The following SNX19 variants were observed in gnomAD, a reference collection of about 807,000 sequenced individuals.
SNX19 encodes the protein sorting nexin 19, also known as sorting nexin-19.
A neutral mutation model predicts 85.2 loss-of-function variants in SNX19; 60 were observed. The observed-to-expected ratio is 0.70, with a 90% CI of 0.57 to 0.87. The LOEUF (loss-of-function observed/expected upper bound fraction) is 0.87. SNX19 is among the 40% of genes least tolerant of loss of function. SNX19 has a pLI of 0.00. For missense variants in SNX19, 1,201 were observed against 1,217.8 expected, an observed-to-expected ratio of 0.99 and a Z score of 0.21; for synonymous variants, 520 against 470.0, an observed-to-expected ratio of 1.11 and a Z score of -1.38.
chr11:130,873,326 A>G lies in SNX19; in HGVS notation c.*5096T>C, dbSNP rs1415751090. ...GCTGAGTAGTTACAACAGAGACCAT[A>G]CTGCTGCAAAACCTAGTATTTAGTC... is the stretch of plus-strand genomic sequence containing the variant. On this transcript the variant is annotated 3_prime_UTR_variant, in exon 11 of 11. Coordinates refer to ENST00000265909, the MANE Select transcript of SNX19 (RefSeq NM_014758.3). Among the ~76,000 whole-genome samples, 1 of 152,214 alleles carries G rather than the reference A, an allele frequency of 6.6e-6. No individual in the cohort carries two copies. Among genetic ancestry groups the G allele is most frequent in the Non-Finnish European group, 1.5e-5 (1 of 68,040 alleles).
chr11:130,914,799 C>G lies in SNX19; in HGVS notation c.1141G>C (p.Gly381Arg). The G allele has an allele frequency of 6.2e-7, 1 of 1,613,958 alleles. No individual in the cohort carries two copies. Among genetic ancestry groups the G allele is most frequent in the Middle Eastern group, 1.7e-4 (1 of 6,060 alleles). ...SELESPLSEL[G>R]KETIMLMTPG... Reference sequence around the variant, plus strand: ...GTCATGAGCATGATGGTTTCTTTGCCCAGTTCAGACAGCGGAGACTCCAGC... The same window carrying G: ...GTCATGAGCATGATGGTTTCTTTGCGCAGTTCAGACAGCGGAGACTCCAGC... The change falls in exon 1 of 11, where the codon GGC becomes CGC. Residue 381 changes from glycine to arginine, a missense_variant. Around this residue, in one of 3 missense-constraint regions of SNX19, gnomAD observed 791 missense variants for 750.9 expected, o/e 1.05. Transcript: ENST00000265909.
rs555747730 is a variant in SNX19, at chr11:130,873,184, A to G, written c.*5238T>C. 2.7e-4 allele frequency among the ~76,000 whole-genome samples: 41 copies of G among 152,328 alleles called. No homozygotes were observed. Among genetic ancestry groups the G allele is most frequent in the Middle Eastern group, 3.4e-3 (1 of 294 alleles). The stretch of plus-strand genomic sequence containing the variant: ...TAACTCACTAGACCGCAGGTCCACA[A>G]ACTGACTCATGGGACAAACCCGGCC... On this transcript the variant is annotated 3_prime_UTR_variant, in exon 11 of 11. Transcript: ENST00000265909.
At position 130,870,558 on chromosome 11, in the gene SNX19, C is replaced by T. The variant is rs1249282683; in HGVS notation, c.*7864G>A. ...CAGGTCTGGTACAGACTAGCCAGTG[C>T]CCTCCACTGGAATAAGTGGTTAATC... On this transcript the variant is annotated 3_prime_UTR_variant, in exon 11 of 11. Transcript: ENST00000265909. 1.3e-5 allele frequency among the ~76,000 whole-genome samples: 2 copies of T among 152,312 alleles called. No individual in the cohort carries two copies. The highest frequency in any genetic ancestry group is 3.9e-4 in the East Asian group (2 of 5,176).
chr11:130,911,603 C>A (rs372242769), intron 2 of SNX19, 30 bp downstream of exon 2: 29 of 1,612,666 alleles, frequency 1.8e-5, no homozygotes, highest in Middle Eastern at 1.7e-4. Flanking sequence ...GGGAAGCAAG[C>A]GGGCAGTAGG....
intron 2 of SNX19, among the ~76,000 whole-genome samples, chr11:130,911,153 C>T (rs1946084232): frequency 1.3e-5 from 2 of 149,694 alleles, no homozygotes; most frequent in African/African-American, 4.9e-5. Context: ...CGAGATTGCA[C>T]CATTGCACTC....
intron 8 of SNX19, among the ~76,000 whole-genome samples, chr11:130,890,055 T>C (rs564427042): frequency 2.0e-5 from 3 of 152,298 alleles, no homozygotes; most frequent in African/African-American, 7.2e-5. Context: ...TACTAATCTA[T>C]TACTTTAGTA....
In SNX19 at chr11:130,874,237, G is replaced by C. The variant is rs1212177390; in HGVS notation, c.*4185C>G. Among the ~76,000 whole-genome samples, 1 of 152,052 alleles carries C rather than the reference G, an allele frequency of 6.6e-6. No individual in the cohort carries two copies. The highest frequency in any genetic ancestry group is 2.4e-5 in the African/African-American group (1 of 41,384). On this transcript the variant is annotated 3_prime_UTR_variant, in exon 11 of 11. Transcript: ENST00000265909. ...CAGGGTCTTGCTATGTTCCAGGCTG[G>C]TCTTAAACTCCTGGACTCAAACAAT...
At position 130,870,309 on chromosome 11, in the gene SNX19, T is replaced by C. The variant is rs970815558; in HGVS notation, c.*8113A>G. 2 of 152,268 alleles carry C rather than the reference T, an allele frequency of 1.3e-5. No individual in the cohort carries two copies. The highest frequency in any genetic ancestry group is 4.8e-5 in the African/African-American group (2 of 41,464). 9.4% of individuals were successfully genotyped at this position (152,268 alleles called of 1,614,324 possible). A position where few individuals can be genotyped will look rare whatever the true frequency, so the allele number is the denominator to read the frequency against. On this transcript the variant is annotated 3_prime_UTR_variant, in exon 11 of 11. Coordinates refer to ENST00000265909, the MANE Select transcript of SNX19 (RefSeq NM_014758.3). ...CGCAGGTATTCCCGCCGCATCCACA[T>C]ATGCACACTTACTTCCCTTGGATGT...
At chr11:130,890,667 T>TTC (rs968330206) in intron 8 of SNX19, among the ~76,000 whole-genome samples, 1 of 151,388 alleles carries the variant, frequency 6.6e-6, no homozygotes, top group African/African-American at 2.4e-5. Flanking sequence ...GCCTTGAATG[T>TTC]TCTCTCTCTC....
intron 8 of SNX19, among the ~76,000 whole-genome samples, chr11:130,896,161 C>A (rs944673972): frequency 2.0e-5 from 3 of 152,188 alleles, no homozygotes; most frequent in Non-Finnish European, 4.4e-5. Flanking sequence ...GGGGGTCTTG[C>A]AAAAGTATGC....
chr11:130,872,188 C>T lies in SNX19; in HGVS notation c.*6234G>A, dbSNP rs917768460. Among the ~76,000 whole-genome samples, 1 of 152,158 alleles carries T rather than the reference C, an allele frequency of 6.6e-6. No individual in the cohort carries two copies. The highest frequency in any genetic ancestry group is 1.5e-5 in the Non-Finnish European group (1 of 68,024). ...AGGAGTAATTCTCTGCATCCTGTCA[C>T]ATGCTTGTTTCTGCCTCCAAGAAAG... On this transcript the variant is annotated 3_prime_UTR_variant, in exon 11 of 11. Transcript: ENST00000265909.
intron 5 of SNX19, 112 bp downstream of exon 5, chr11:130,907,841 T>C: frequency 6.6e-7 from 1 of 1,510,278 alleles, no homozygotes; most frequent in South Asian, 1.3e-5. Context: ...AACTGGTATG[T>C]CTGACCCACC....
At chr11:130,890,219 TTAAA>T (rs1944401871) in intron 8 of SNX19, among the ~76,000 whole-genome samples, 1 of 152,176 alleles carries the variant, frequency 6.6e-6, no homozygotes, top group Non-Finnish European at 1.5e-5. Flanking sequence ...ACATAATCAT[TTAAA>T]TAGTCACTAA....
chr11:130,905,622 G>A (rs1251251360), intron 7 of SNX19: 2 of 1,434,400 alleles, frequency 1.4e-6, no homozygotes, highest in South Asian at 1.4e-5. Flanking sequence ...AGACACTAAG[G>A]GAAGAAAGTT....
In SNX19 at chr11:130,914,489, T is replaced by C. The variant is rs1186365779; in HGVS notation, c.1451A>G (p.Glu484Gly). Residue 484 changes from glutamate (E) to glycine (G), a missense_variant, in exon 1 of 11, where the codon GAG (glutamate) becomes GGG (glycine). Glu to Gly is a moderately conservative substitution (Grantham distance 98). Around this residue, in one of 3 missense-constraint regions of SNX19, gnomAD observed 791 missense variants for 750.9 expected, o/e 1.05. Coordinates refer to ENST00000265909, the MANE Select transcript of SNX19 (RefSeq NM_014758.3). ...GCTCACATCATTGGTGAGATCCTTCTCTAAGCATGACGGCCGTGAGGGGCA... is the reference window on the plus strand; with the variant it reads ...GCTCACATCATTGGTGAGATCCTTCCCTAAGCATGACGGCCGTGAGGGGCA... ...KTCPSRPSCL[E>G]KDLTNDVSSL... 14 of 1,613,820 alleles carry C rather than the reference T, an allele frequency of 8.7e-6. No homozygotes were observed. Among genetic ancestry groups the C allele is most frequent in the Admixed American group, 6.7e-5 (4 of 60,006 alleles).
chr11:130,892,112 G>A (rs1944540478), intron 8 of SNX19, among the ~76,000 whole-genome samples: 1 of 150,782 alleles, frequency 6.6e-6, no homozygotes, highest in South Asian at 2.1e-4. Context: ...CCAAAGTGCT[G>A]GGATTACAGG....
At chr11:130,883,216 G>A (rs1943809077) in intron 8 of SNX19, among the ~76,000 whole-genome samples, 1 of 152,162 alleles carries the variant, frequency 6.6e-6, no homozygotes, top group South Asian at 2.1e-4. Flanking sequence ...GTTGGGGAGA[G>A]ACATAAAAGT....
intron 8 of SNX19, among the ~76,000 whole-genome samples, chr11:130,884,173 C>T (rs1368426555): frequency 6.6e-6 from 1 of 152,144 alleles, no homozygotes; most frequent in South Asian, 2.1e-4. Context: ...AAGCTCCATA[C>T]ACACCACCAT....
intron 8 of SNX19, among the ~76,000 whole-genome samples, chr11:130,898,068 C>A (rs184225919): frequency 4.5e-4 from 69 of 152,256 alleles, no homozygotes; most frequent in Non-Finnish European, 1.5e-5. Flanking sequence ...CATCAACAAT[C>A]AACGGAGATT....
Sources: gnomAD v4.1 joint callset for allele counts (sites outside exome capture counted in the v4.1 genomes callset) on GRCh38, gnomAD v4.1.1 for gene constraint, gnomAD v4.1.1 regional missense constraint, MANE v1.5 for transcripts, NCBI Gene and HGNC (gene_info 2026-07-23, HGNC 2026-07-21) for gene names.